The following BBS9 variants were observed in gnomAD, a reference collection of about 807,000 sequenced individuals.
BBS9 encodes the protein Bardet-Biedl syndrome 9, also known as protein PTHB1.
In BBS9, 89 loss-of-function variants were observed where a neutral mutation model predicts 117.7. The ratio of observed to expected loss-of-function variants is 0.76; its 90% CI spans 0.64 to 0.90. The LOEUF (loss-of-function observed/expected upper bound fraction) is 0.90. Among genes scored for constraint, BBS9 ranks in the 40% least tolerant of loss-of-function variants. The probability of loss-of-function intolerance (pLI) is 0.00; values close to 1 mark genes in which losing one functional copy is unlikely to be tolerated. For synonymous variants in BBS9, 379 were observed against 370.9 expected (o/e 1.02, Z -0.25); for missense variants, 982 against 1,042.2 (o/e 0.94, Z 0.80).
At chr7:33,240,440 G>A (rs1253388765) in intron 5 of BBS9, among the ~76,000 whole-genome samples, 2 of 151,922 alleles carry the variant, frequency 1.3e-5, no homozygotes, top group Non-Finnish European at 2.9e-5. Flanking sequence ...TTATTTTGTA[G>A]AGATGAGGTC....
chr7:33,398,872 G>T (rs781302650), intron 19 of BBS9, among the ~76,000 whole-genome samples: 1 of 152,162 alleles, frequency 6.6e-6, no homozygotes, highest in Non-Finnish European at 1.5e-5. Context: ...CTTTAGTAGA[G>T]ACAGGCTTTC....
At chr7:33,467,569 T>C (rs370444870) in intron 19 of BBS9, among the ~76,000 whole-genome samples, 81,098 of 126,474 alleles carry the variant, frequency 0.64, 23,503 homozygotes, top group African/African-American at 0.73. Context: ...ACCCCCCAAC[T>C]CCGCCACCTC....
intron 21 of BBS9, among the ~76,000 whole-genome samples, chr7:33,572,442 T>C (rs1857966824): frequency 1.3e-5 from 2 of 152,140 alleles, no homozygotes; most frequent in African/African-American, 4.8e-5. Context: ...ATTTCCTTTC[T>C]TTTGGATATA....
intron 6 of BBS9, among the ~76,000 whole-genome samples, chr7:33,262,615 G>T (rs1292949901): frequency 6.6e-6 from 1 of 152,166 alleles, no homozygotes; most frequent in African/African-American, 2.4e-5. Flanking sequence ...GCAGCTGACC[G>T]TGGGATTTTG....
At chr7:33,578,282 A>G (rs953586514) in intron 21 of BBS9, among the ~76,000 whole-genome samples, 1 of 152,216 alleles carries the variant, frequency 6.6e-6, no homozygotes, top group African/African-American at 2.4e-5. Flanking sequence ...AGGTTGCAGT[A>G]CAGTGGTGAG....
intron 19 of BBS9, among the ~76,000 whole-genome samples, chr7:33,391,999 C>T (rs551312132): frequency 1.3e-5 from 2 of 152,276 alleles, no homozygotes; most frequent in Admixed American, 1.3e-4. Flanking sequence ...ATAAATTATT[C>T]TAACACTTCT....
chr7:33,580,645 T>C (rs1392507386), intron 21 of BBS9, among the ~76,000 whole-genome samples: 2 of 152,174 alleles, frequency 1.3e-5, no homozygotes, highest in African/African-American at 4.8e-5. Context: ...TCTGGAAGGT[T>C]GTTAAAGAAT....
At chr7:33,489,274 G>A (rs1843565947) in intron 19 of BBS9, among the ~76,000 whole-genome samples, 1 of 148,462 alleles carries the variant, frequency 6.7e-6, no homozygotes, top group Non-Finnish European at 1.5e-5. Flanking sequence ...AATTACAGGT[G>A]TGAGCCACTG....
At chr7:33,224,851 G>T (rs1284086592) in intron 5 of BBS9, among the ~76,000 whole-genome samples, 3 of 152,128 alleles carry the variant, frequency 2.0e-5, no homozygotes, top group African/African-American at 4.8e-5. Flanking sequence ...CATGCTCCCT[G>T]GTTGTCTCTC....
chr7:33,323,413 A>G (rs1029615171), intron 9 of BBS9, among the ~76,000 whole-genome samples: 9 of 152,146 alleles, frequency 5.9e-5, no homozygotes, highest in African/African-American at 1.9e-4. Flanking sequence ...TTTGGATGCT[A>G]CAGTATTGGG....
intron 19 of BBS9, among the ~76,000 whole-genome samples, chr7:33,452,520 T>G (rs73317004): frequency 0.01 from 1,568 of 152,350 alleles, 26 homozygotes; most frequent in African/African-American, 0.035. Flanking sequence ...CGTTCTTATT[T>G]TCTCTAGTGG....
chr7:33,170,758 C>T (rs1796424083), intron 4 of BBS9, among the ~76,000 whole-genome samples: 1 of 148,866 alleles, frequency 6.7e-6, no homozygotes, highest in African/African-American at 2.5e-5. Flanking sequence ...AGCAAAGTCT[C>T]AGGATACAAA....
intron 19 of BBS9, among the ~76,000 whole-genome samples, chr7:33,482,940 G>T (rs1451540805): frequency 6.6e-6 from 1 of 151,488 alleles, no homozygotes; most frequent in Non-Finnish European, 1.5e-5. Context: ...TGGGAAATGG[G>T]AACTGTCCTA....
At chr7:33,272,418 G>A (rs1799949548) in intron 7 of BBS9, among the ~76,000 whole-genome samples, 2 of 152,066 alleles carry the variant, frequency 1.3e-5, no homozygotes, top group African/African-American at 4.8e-5. Context: ...GTGTGTCTTT[G>A]CTCTTTTGCA....
intron 9 of BBS9, among the ~76,000 whole-genome samples, chr7:33,313,774 CT>C (rs1809844790): frequency 6.6e-6 from 1 of 152,144 alleles, no homozygotes; most frequent in African/African-American, 2.4e-5. Flanking sequence ...TAATCCAGCT[CT>C]TGATTATTGA....
intron 5 of BBS9, among the ~76,000 whole-genome samples, chr7:33,200,245 C>A (rs1337595263): frequency 6.6e-6 from 1 of 152,126 alleles, no homozygotes; most frequent in African/African-American, 2.4e-5. Context: ...TACCAACTTT[C>A]AGCTCCTTGA....
chr7:33,334,874 A>T (rs747937734), intron 9 of BBS9, among the ~76,000 whole-genome samples: 2 of 152,202 alleles, frequency 1.3e-5, no homozygotes, highest in Non-Finnish European at 2.9e-5. Context: ...ACCAGTGACA[A>T]CAATCTATTT....
chr7:33,478,805 C>T lies in BBS9; in HGVS notation c.2116-26658C>T, dbSNP rs181862672. Among the ~76,000 whole-genome samples the T allele has an allele frequency of 8.0e-5, 12 of 150,202 alleles. No homozygotes were observed. The East Asian group carries it at 2.1e-3, about 27-fold the overall frequency. ...TGAACCTTCATTTAGATACTCTTGA[C>T]ATGTCTGCAAAACAGTCAATATAGT... On this transcript the variant is annotated intron_variant, in intron 19 of 22. Coordinates refer to ENST00000242067, the MANE Select transcript of BBS9 (RefSeq NM_198428.3).
intron 19 of BBS9, among the ~76,000 whole-genome samples, chr7:33,412,273 C>G (rs1831282985): frequency 6.6e-6 from 1 of 152,108 alleles, no homozygotes. Context: ...GTTTTTAGTT[C>G]ATCTCCAGAG....
Sources: allele counts gnomAD v4.1 joint callset (sites outside exome capture counted in the v4.1 genomes callset), GRCh38; gene constraint gnomAD v4.1.1; transcripts MANE v1.5; gene names NCBI Gene and HGNC (gene_info 2026-07-23, HGNC 2026-07-21).